DMRTC2: variants seen among roughly 807,000 people sequenced by gnomAD.
The protein encoded by DMRTC2 is doublesex- and mab-3-related transcription factor C2.
Under a neutral mutation model 39.9 loss-of-function variants are expected in DMRTC2, and 13 were observed. That is an observed-to-expected ratio of 0.33 (90% CI 0.21 to 0.52). The LOEUF (loss-of-function observed/expected upper bound fraction) is 0.52. Ranked by LOEUF, DMRTC2 falls within the 20% of genes least tolerant of loss-of-function variation. The pLI is 0.96. For synonymous variants in DMRTC2, 189 were observed against 185.2 expected, an observed-to-expected ratio of 1.02 and a Z score of -0.17; for missense variants, 431 against 472.8, an observed-to-expected ratio of 0.91 and a Z score of 0.82.
At chr19:41,850,769 T>C in intron 8 of DMRTC2, 69 bp downstream of exon 8, 1 of 1,454,782 alleles carries the variant, frequency 6.9e-7, no homozygotes, top group African/African-American at 1.5e-5. Flanking sequence ...ACACAGGGAC[T>C]AACCAAGGAG....
At position 41,848,571 on chromosome 19, in the gene DMRTC2, T is replaced by C. The variant is rs986924088; in HGVS notation, c.447+43T>C. 4 of 1,432,944 alleles carry C rather than the reference T, an allele frequency of 2.8e-6. No homozygotes were observed. The Admixed American group carries it at 6.6e-5, about 24-fold the overall frequency. 88.8% of individuals were successfully genotyped at this position (1,432,944 alleles called of 1,614,324 possible). Reference sequence around the variant, plus strand: ...CCTGAGAAAGTGTCCCCCACCCTAGTTCCTACCCAGACCCTTTCTTCTGTG... The same window carrying C: ...CCTGAGAAAGTGTCCCCCACCCTAGCTCCTACCCAGACCCTTTCTTCTGTG... On this transcript the variant is annotated intron_variant, in intron 4 of 8. Transcript: ENST00000269945.
In DMRTC2 at chr19:41,850,253, A is replaced by G. The variant is rs1037550406; in HGVS notation, c.756-59A>G. Reference sequence around the variant, plus strand: ...ATGGCAAAATCCTGCCCCTCTTTCAATGTGTGCATGTCTGTTCATCTGTTT... The same window carrying G: ...ATGGCAAAATCCTGCCCCTCTTTCAGTGTGTGCATGTCTGTTCATCTGTTT... On this transcript the variant is annotated intron_variant, in intron 6 of 8. Transcript: ENST00000269945. 2.3e-5 allele frequency: 30 copies of G among 1,306,496 alleles called. No homozygotes were observed. The East Asian group carries it at 4.7e-4, about 21-fold the overall frequency. The allele number at this position is 1,306,496 out of a possible 1,614,324, so 80.9% of individuals were successfully genotyped here. A position where few individuals can be genotyped will look rare whatever the true frequency, so the allele number is the denominator to read the frequency against.
intron 1 of DMRTC2, 146 bp downstream of exon 1, chr19:41,845,247 C>CG (rs1202799060): frequency 6.6e-6 from 1 of 152,200 alleles, no homozygotes; most frequent in African/African-American, 2.4e-5. Context: ...CCCTGCCTCG[C>CG]GGGCCCCTTG....
At position 41,848,488 on chromosome 19, in the gene DMRTC2, C is replaced by T; in HGVS notation, c.407C>T (p.Pro136Leu). The T allele has an allele frequency of 1.9e-6, 3 of 1,604,766 alleles. No individual in the cohort carries two copies. The highest frequency in any genetic ancestry group is 1.1e-5 in the South Asian group (1 of 89,044). Residue 136 changes from proline to leucine, a missense_variant, in exon 4 of 9, where the codon CCC becomes CTC. Coordinates refer to ENST00000269945, the MANE Select transcript of DMRTC2 (RefSeq NM_001040283.3). ...AACATAGCACCCCAGCCTCAGACCC[C>T]CCATGGGGCAGTCCTGCTGGCACCG... ...KENIAPQPQT[P>L]HGAVLLAPTP...
intron 8 of DMRTC2, 27 bp from the exon 9 acceptor site, chr19:41,851,557 A>G: frequency 6.2e-7 from 1 of 1,603,786 alleles, no homozygotes; most frequent in Non-Finnish European, 8.5e-7. Context: ...GTGTGACCTG[A>G]TCCTGCCCCT....
chr19:41,851,557 A>T, intron 8 of DMRTC2, 27 bp from the exon 9 acceptor site: 2 of 1,603,786 alleles, frequency 1.2e-6, no homozygotes, highest in Non-Finnish European at 1.7e-6. Flanking sequence ...GTGTGACCTG[A>T]TCCTGCCCCT....
rs1454801131 is a variant in DMRTC2 at position 41,846,603 on chromosome 19, C to T, written c.-4-822C>T. Among the ~76,000 whole-genome samples, 9 of 151,910 alleles carry T rather than the reference C, an allele frequency of 5.9e-5. 1 individual carries two copies. Among genetic ancestry groups the T allele is most frequent in the Admixed American group, 5.9e-4 (9 of 15,258 alleles). On this transcript the variant is annotated intron_variant, in intron 1 of 8. Coordinates refer to ENST00000269945, the MANE Select transcript of DMRTC2 (RefSeq NM_001040283.3). ...TTTTTTTTGAGACAGAGTCTTGCTC[C>T]GTCACCCAGGCTAAAGTGCAGTGGC...
At chr19:41,846,481 G>A (rs1316925623) in intron 1 of DMRTC2, among the ~76,000 whole-genome samples, 2 of 152,116 alleles carry the variant, frequency 1.3e-5, no homozygotes, top group Admixed American at 1.3e-4. Context: ...GCCAAGGCAG[G>A]AGGATCGCTT....
At chr19:41,845,586 G>C (rs2073815646) in intron 1 of DMRTC2, among the ~76,000 whole-genome samples, 1 of 152,198 alleles carries the variant, frequency 6.6e-6, no homozygotes, top group Non-Finnish European at 1.5e-5. Context: ...ACTTTGGGAG[G>C]CCGAAGCAGG....
At position 41,848,535 on chromosome 19, in the gene DMRTC2, A is replaced by C. The variant is rs7253640; in HGVS notation, c.447+7A>C. 1,774 of 1,573,668 alleles carry C rather than the reference A, an allele frequency of 1.1e-3. 20 individuals are homozygous for C. The African/African-American group carries it at 0.022, about 19-fold the overall frequency. ...ACCGACACCCCCCGGGAAGGTAAGG[A>C]GAGGCTGGGGCCTGAGAAAGTGTCC... is the stretch of plus-strand genomic sequence containing the variant. On this transcript the variant is annotated splice_region_variant and intron_variant, in intron 4 of 8. Coordinates refer to ENST00000269945, the MANE Select transcript of DMRTC2 (RefSeq NM_001040283.3).
intron 7 of DMRTC2, 53 bp from the exon 8 acceptor site, chr19:41,850,473 A>C (rs1555837109): frequency 1.9e-6 from 3 of 1,586,064 alleles, no homozygotes; most frequent in African/African-American, 2.7e-5. Flanking sequence ...GAACACTTAG[A>C]GGGTGGGCAG....
rs1329056147 is a variant in DMRTC2 at position 41,850,714 on chromosome 19, G to T, written c.991+14G>T. 6.4e-7 allele frequency: 1 copy of T among 1,551,702 alleles called. No individual in the cohort carries two copies. Among genetic ancestry groups the T allele is most frequent in the Non-Finnish European group, 8.7e-7 (1 of 1,151,370 alleles). On this transcript the variant is annotated intron_variant, in intron 8 of 8. Transcript: ENST00000269945. ...GTGGCCCACCAGGTGGGCCATGAAA[G>T]GAGAGGATGGATAGGGATGGCTGGG...
intron 4 of DMRTC2, 114 bp downstream of exon 4, chr19:41,848,642 T>C (rs2073904421): frequency 7.7e-6 from 11 of 1,423,254 alleles, no homozygotes; most frequent in Non-Finnish European, 1.1e-5. Flanking sequence ...TGCTATGTAA[T>C]CTAGTCAAAT....
At chr19:41,849,849 G>C (rs997008747) in intron 6 of DMRTC2, among the ~76,000 whole-genome samples, 1 of 152,220 alleles carries the variant, frequency 6.6e-6, no homozygotes, top group East Asian at 1.9e-4. Flanking sequence ...GGAGGCTGAG[G>C]TGGGAGGATT....
chr19:41,848,750 T>A (rs782048862), intron 4 of DMRTC2, 45 bp from the exon 5 acceptor site: 1 of 1,606,194 alleles, frequency 6.2e-7, no homozygotes. Flanking sequence ...TCAATCCTTT[T>A]CCAGCCTTGT....
chr19:41,847,989 G>A, intron 3 of DMRTC2, 108 bp downstream of exon 3: 1 of 1,400,198 alleles, frequency 7.1e-7, no homozygotes, highest in Non-Finnish European at 9.5e-7. Context: ...TTGAACTAAG[G>A]GTTTCTACTC....
intron 8 of DMRTC2, chr19:41,851,363 C>G: frequency 1.9e-6 from 1 of 540,496 alleles, no homozygotes; most frequent in South Asian, 2.5e-5. Flanking sequence ...CTGAACTAAG[C>G]AAGGACAAAT....
At chr19:41,849,578 A>G in intron 6 of DMRTC2, among the ~76,000 whole-genome samples, 1 of 152,188 alleles carries the variant, frequency 6.6e-6, no homozygotes, top group Non-Finnish European at 1.5e-5. Context: ...GACAGATTTG[A>G]TGGGGTAAGA....
intron 8 of DMRTC2, 30 bp from the exon 9 acceptor site, chr19:41,851,554 C>G: frequency 6.3e-7 from 1 of 1,595,784 alleles, no homozygotes; most frequent in Non-Finnish European, 8.6e-7. Flanking sequence ...CAGGTGTGAC[C>G]TGATCCTGCC....
Sources: gnomAD v4.1 joint callset for allele counts (sites outside exome capture counted in the v4.1 genomes callset) on GRCh38, gnomAD v4.1.1 for gene constraint, MANE v1.5 for transcripts, NCBI Gene and HGNC (gene_info 2026-07-23, HGNC 2026-07-21) for gene names.